The following BRINP3 variants were observed in gnomAD, a reference collection of about 807,000 sequenced individuals.
The protein encoded by BRINP3 is BMP/retinoic acid-inducible neural-specific protein 3.
In BRINP3, 19 loss-of-function variants were observed where a neutral mutation model predicts 71.0. The ratio of observed to expected loss-of-function variants is 0.27; its 90% CI spans 0.19 to 0.39. The LOEUF (loss-of-function observed/expected upper bound fraction) is 0.39. BRINP3 is among the 10% of genes least tolerant of loss of function. BRINP3 has a pLI of 1.00. For synonymous variants in BRINP3, 380 were observed against 337.7 expected (o/e 1.13, Z -1.37); for missense variants, 959 against 940.8 (o/e 1.02, Z -0.25).
chr1:190,205,258 A>T (rs932444545), intron 6 of BRINP3, among the ~76,000 whole-genome samples: 9 of 150,372 alleles, frequency 6.0e-5, no homozygotes, highest in Non-Finnish European at 1.3e-4. Context: ...GATGTATGCA[A>T]CTTCTGAGCA....
At chr1:190,236,948 T>C (rs1037449557) in intron 4 of BRINP3, among the ~76,000 whole-genome samples, 8 of 151,904 alleles carry the variant, frequency 5.3e-5, no homozygotes, top group Non-Finnish European at 1.2e-4. Flanking sequence ...CTCATACTCA[T>C]TGACATAGTG....
At chr1:190,300,111 T>G (rs959714817) in intron 2 of BRINP3, among the ~76,000 whole-genome samples, 11 of 152,152 alleles carry the variant, frequency 7.2e-5, no homozygotes, top group African/African-American at 2.7e-4. Flanking sequence ...TGCTAGATTG[T>G]GGAAGTTCTC....
chr1:190,457,842 A>G (rs186543651), intron 1 of BRINP3, among the ~76,000 whole-genome samples: 1 of 152,166 alleles, frequency 6.6e-6, no homozygotes, highest in East Asian at 1.9e-4. Context: ...CAATAGGTGA[A>G]TTACCCAGAA....
intron 6 of BRINP3, among the ~76,000 whole-genome samples, chr1:190,193,439 G>T (rs1285300945): frequency 6.6e-6 from 1 of 152,130 alleles, no homozygotes; most frequent in East Asian, 1.9e-4. Flanking sequence ...GCTTTTAAGA[G>T]CCATGAGTAT....
intron 6 of BRINP3, among the ~76,000 whole-genome samples, chr1:190,170,907 C>T (rs1651952260): frequency 6.6e-6 from 1 of 152,096 alleles, no homozygotes; most frequent in Non-Finnish European, 1.5e-5. Flanking sequence ...AACTCTCTAT[C>T]TTAGTTATTG....
chr1:190,336,429 C>G (rs1048691807), intron 2 of BRINP3, among the ~76,000 whole-genome samples: 2 of 151,936 alleles, frequency 1.3e-5, no homozygotes, highest in African/African-American at 4.8e-5. Context: ...CCATATAGAT[C>G]TATGTTAACA....
intron 2 of BRINP3, among the ~76,000 whole-genome samples, chr1:190,310,807 T>A (rs1268970884): frequency 6.6e-6 from 1 of 151,738 alleles, no homozygotes; most frequent in African/African-American, 2.4e-5. Context: ...AGTCACTTAT[T>A]ACATATTTCT....
rs532970942 is a variant in BRINP3 at position 190,477,170 on chromosome 1, T to A, written c.-51+278A>T. On this transcript the variant is annotated intron_variant, in intron 1 of 7. Transcript: ENST00000367462. ...GGTTAATGGGGGTGGGGGCGATTAA[T>A]GTCCGTGTAACCCATAATATAAATG... Among the ~76,000 whole-genome samples the A allele has an allele frequency of 8.5e-5, 13 of 152,060 alleles. No homozygotes were observed. The South Asian group carries it at 1.9e-3, about 22-fold the overall frequency.
At chr1:190,468,829 A>G (rs182586909) in intron 1 of BRINP3, among the ~76,000 whole-genome samples, 164 of 151,240 alleles carry the variant, frequency 1.1e-3, no homozygotes, top group Non-Finnish European at 1.5e-3. Context: ...AGGTGTAAAA[A>G]TTATTTCTAA....
At chr1:190,129,283 G>A (rs1195703675) in intron 7 of BRINP3, among the ~76,000 whole-genome samples, 2 of 151,696 alleles carry the variant, frequency 1.3e-5, no homozygotes, top group African/African-American at 4.8e-5. Context: ...ATTGTAAAAT[G>A]TATTCAGCTC....
intron 4 of BRINP3, among the ~76,000 whole-genome samples, chr1:190,256,084 GA>G (rs1433344925): frequency 1.3e-5 from 2 of 152,190 alleles, no homozygotes; most frequent in Non-Finnish European, 2.9e-5. Context: ...GGTTTTGAGT[GA>G]GTTTCTTAAT....
chr1:190,379,196 A>G (rs1341214026), intron 2 of BRINP3, among the ~76,000 whole-genome samples: 2 of 152,176 alleles, frequency 1.3e-5, no homozygotes, highest in African/African-American at 4.8e-5. Flanking sequence ...TTATTACATG[A>G]TTTAAAAAAC....
At position 190,213,660 on chromosome 1, in the gene BRINP3, A is replaced by G. The variant is rs1219470351; in HGVS notation, c.961+12422T>C. Among the ~76,000 whole-genome samples the G allele has an allele frequency of 2.6e-5, 4 of 152,048 alleles. No individual in the cohort carries two copies. In the East Asian group the frequency reaches 7.7e-4, roughly 29 times the overall value. ...TCATGAATAAATTAATTTGTTGGAC[A>G]TTAGGGATAATGTCCAATAAAAGTT... On this transcript the variant is annotated intron_variant, in intron 6 of 7. Coordinates refer to ENST00000367462, the MANE Select transcript of BRINP3 (RefSeq NM_199051.3).
chr1:190,275,289 C>T (rs1662460792), intron 3 of BRINP3, among the ~76,000 whole-genome samples: 1 of 151,440 alleles, frequency 6.6e-6, no homozygotes, highest in Non-Finnish European at 1.5e-5. Context: ...CAAACTCTTG[C>T]TATGATTTTT....
At chr1:190,409,109 A>G (rs1171147) in intron 2 of BRINP3, among the ~76,000 whole-genome samples, 54,913 of 151,752 alleles carry the variant, frequency 0.36, 10,965 homozygotes, top group Admixed American at 0.48. Flanking sequence ...AGGTTTAAAA[A>G]CCTTCTATCC....
intron 2 of BRINP3, among the ~76,000 whole-genome samples, chr1:190,401,376 CAAAAAAAAAA>C (rs762938571): frequency 5.1e-4 from 46 of 89,372 alleles, no homozygotes; most frequent in Middle Eastern, 7.4e-3. Context: ...CATCTCAAAA[CAAAAAAAAAA>C]AAAAAAAAAA....
chr1:190,470,577 T>A (rs1280099800), intron 1 of BRINP3, among the ~76,000 whole-genome samples: 1 of 151,074 alleles, frequency 6.6e-6, no homozygotes, highest in Non-Finnish European at 1.5e-5. Flanking sequence ...GCACTGAGGG[T>A]ACTTTTTAAC....
At chr1:190,188,719 T>C (rs147329697) in intron 6 of BRINP3, among the ~76,000 whole-genome samples, 1,885 of 152,240 alleles carry the variant, frequency 0.012, 42 homozygotes, top group African/African-American at 0.044. Context: ...TCATGGTGAA[T>C]GATGATCTTA....
At chr1:190,120,312 A>T (rs1653531686) in intron 7 of BRINP3, among the ~76,000 whole-genome samples, 1 of 152,152 alleles carries the variant, frequency 6.6e-6, no homozygotes, top group East Asian at 1.9e-4. Context: ...TTCCATGAAA[A>T]TGGACTAGAA....
Sources: allele counts gnomAD v4.1 joint callset (sites outside exome capture counted in the v4.1 genomes callset), GRCh38; gene constraint gnomAD v4.1.1; transcripts MANE v1.5; gene names NCBI Gene and HGNC (gene_info 2026-07-23, HGNC 2026-07-21).